Variants in OSBPL1A observed in about 807,000 individuals in gnomAD.
The protein encoded by OSBPL1A is oxysterol-binding protein-related protein 1.
In OSBPL1A, 80 loss-of-function variants were observed where a neutral mutation model predicts 137.1. That is an observed-to-expected ratio of 0.58 (90% CI 0.49 to 0.70). The LOEUF (loss-of-function observed/expected upper bound fraction) is 0.70. Among genes scored for constraint, OSBPL1A ranks in the 30% least tolerant of loss-of-function variants. The pLI is 0.00. For missense variants in OSBPL1A, 970 were observed against 1,129.4 expected (o/e 0.86, Z 2.02); for synonymous variants, 365 against 389.7 (o/e 0.94, Z 0.75).
chr18:24,174,501 T>C (rs2086373069), intron 21 of OSBPL1A, among the ~76,000 whole-genome samples: 1 of 152,208 alleles, frequency 6.6e-6, no homozygotes, highest in Non-Finnish European at 1.5e-5. Flanking sequence ...GCTAAACCAG[T>C]AGGTATATTG....
At chr18:24,386,054 A>G (rs951890364) in intron 1 of OSBPL1A, among the ~76,000 whole-genome samples, 4 of 152,116 alleles carry the variant, frequency 2.6e-5, no homozygotes, top group Non-Finnish European at 4.4e-5. Context: ...AGCCAGGGGG[A>G]GAGCTCCTAT....
Position 24,312,039 on chromosome 18 carries a change from G to A in OSBPL1A, c.1037C>T (p.Thr346Ile). ...STHYCSQDQL[T>I]DEEEEDTVSA... ...AACCGTATCTTCCTCCTCCTCATCA[G>A]TCAGCTGGTCCTGGGAACAGTAGTG... is the stretch of plus-strand genomic sequence containing the variant. Residue 346 changes from threonine (T) to isoleucine (I), a missense_variant, in exon 13 of 28, where the codon ACT (threonine) becomes ATT (isoleucine). Thr to Ile is a moderately conservative substitution (Grantham distance 89). This residue lies in a region of OSBPL1A where 647 missense variants were observed against 672.6 expected (regional missense o/e 0.96). Transcript: ENST00000319481. 6.2e-7 allele frequency: 1 copy of A among 1,614,082 alleles called. No homozygotes were observed. The highest frequency in any genetic ancestry group is 8.5e-7 in the Non-Finnish European group (1 of 1,179,960).
At chr18:24,318,307 G>A (rs577291947) in intron 9 of OSBPL1A, among the ~76,000 whole-genome samples, 39 of 152,036 alleles carry the variant, frequency 2.6e-4, no homozygotes, top group African/African-American at 8.2e-4. Flanking sequence ...AGCCAGGCAC[G>A]GTGGCGGGCG....
intron 16 of OSBPL1A, among the ~76,000 whole-genome samples, chr18:24,226,887 A>ATTTTTTTTTTTT (rs5823416): frequency 2.0e-5 from 2 of 100,860 alleles, no homozygotes; most frequent in African/African-American, 3.7e-5. Flanking sequence ...AAAGAAACAG[A>ATTTTTTTTTTTT]TTTTTTTTTT....
At chr18:24,280,994 T>G (rs2089945306) in intron 14 of OSBPL1A, 46 bp from the exon 15 acceptor site, 1 of 1,360,596 alleles carries the variant, frequency 7.3e-7, no homozygotes, top group South Asian at 1.3e-5. Context: ...TTAAGGAATC[T>G]TAAGGTAAAC....
At chr18:24,175,697 C>G (rs1269822836) in intron 21 of OSBPL1A, among the ~76,000 whole-genome samples, 1 of 152,034 alleles carries the variant, frequency 6.6e-6, no homozygotes, top group East Asian at 1.9e-4. Flanking sequence ...GGTATCATAT[C>G]CATAAGAGTT....
intron 18 of OSBPL1A, among the ~76,000 whole-genome samples, chr18:24,194,988 G>A (rs952138685): frequency 6.6e-6 from 1 of 152,168 alleles, no homozygotes; most frequent in Non-Finnish European, 1.5e-5. Context: ...TATCCACTCA[G>A]AGAAGAGAGA....
intron 14 of OSBPL1A, among the ~76,000 whole-genome samples, chr18:24,288,760 G>A (rs2090118309): frequency 9.5e-6 from 1 of 105,598 alleles, no homozygotes; most frequent in African/African-American, 4.1e-5. Context: ...GAGCAAGACT[G>A]TCTCAAAAAA....
chr18:24,220,819 GT>G (rs749558777), intron 17 of OSBPL1A, among the ~76,000 whole-genome samples: 31 of 146,006 alleles, frequency 2.1e-4, no homozygotes, highest in East Asian at 2.0e-3. Context: ...TTTTGTTTTG[GT>G]TTTTTTTTTT....
rs73967995 is a variant in OSBPL1A, at chr18:24,228,123, A to C, written c.1445-2925T>G. Among the ~76,000 whole-genome samples, 1,467 of 152,252 alleles carry C rather than the reference A, an allele frequency of 9.6e-3. 21 individuals carry two copies. The highest frequency in any genetic ancestry group is 0.033 in the African/African-American group (1,364 of 41,552). On this transcript the variant is annotated intron_variant, in intron 16 of 27. Transcript: ENST00000319481. ...TACGACCCACAAACTCATCAGTCACACTGAGAACCCCTGCGTGGGACCACT... is the reference window on the plus strand; with the variant it reads ...TACGACCCACAAACTCATCAGTCACCCTGAGAACCCCTGCGTGGGACCACT...
chr18:24,181,844 A>G (rs958321965), intron 18 of OSBPL1A, among the ~76,000 whole-genome samples: 1 of 152,108 alleles, frequency 6.6e-6, no homozygotes, highest in African/African-American at 2.4e-5. Flanking sequence ...AACACCTTAT[A>G]AAAGTAAAAG....
At chr18:24,191,630 A>G (rs918523064) in intron 18 of OSBPL1A, among the ~76,000 whole-genome samples, 5 of 152,264 alleles carry the variant, frequency 3.3e-5, no homozygotes, top group African/African-American at 1.2e-4. Context: ...CTTTAGTACT[A>G]AAGTCTTATA....
intron 2 of OSBPL1A, among the ~76,000 whole-genome samples, chr18:24,372,814 AG>A (rs1226803132): frequency 5.3e-5 from 8 of 152,162 alleles, no homozygotes; most frequent in African/African-American, 1.9e-4. Flanking sequence ...CTGTAATCCC[AG>A]CACCTTGGGA....
intron 11 of OSBPL1A, among the ~76,000 whole-genome samples, chr18:24,315,728 T>C (rs1237288268): frequency 8.2e-6 from 1 of 121,902 alleles, no homozygotes; most frequent in Non-Finnish European, 1.6e-5. Flanking sequence ...ATATGTAATA[T>C]ATTATATAAT....
chr18:24,351,257 G>A (rs139783420), intron 4 of OSBPL1A, among the ~76,000 whole-genome samples: 2,384 of 148,332 alleles, frequency 0.016, 67 homozygotes, highest in African/African-American at 0.054. Context: ...GCTGAGGCAG[G>A]AGAATCCTTT....
chr18:24,277,429 C>G (rs753005306), intron 15 of OSBPL1A, among the ~76,000 whole-genome samples: 1 of 152,218 alleles, frequency 6.6e-6, no homozygotes, highest in Non-Finnish European at 1.5e-5. Flanking sequence ...GGGTCACTTA[C>G]ATCTACTGGA....
rs187969957 is a variant in OSBPL1A, at chr18:24,200,290, G to A, written c.1602-4090C>T. Among the ~76,000 whole-genome samples, 117 of 152,256 alleles carry A rather than the reference G, an allele frequency of 7.7e-4. 3 individuals carry two copies. The East Asian group carries it at 0.018, about 23-fold the overall frequency. ...AATTAAGTAAAAAATCAGGCCGGGCGCCATGGCTCACGCCTGTAATCCCAA... is the reference window on the plus strand; with the variant it reads ...AATTAAGTAAAAAATCAGGCCGGGCACCATGGCTCACGCCTGTAATCCCAA... On this transcript the variant is annotated intron_variant, in intron 17 of 27. Coordinates refer to ENST00000319481, the MANE Select transcript of OSBPL1A (RefSeq NM_080597.4).
intron 17 of OSBPL1A, among the ~76,000 whole-genome samples, chr18:24,198,681 G>T (rs2087112619): frequency 6.6e-6 from 1 of 151,864 alleles, no homozygotes; most frequent in Non-Finnish European, 1.5e-5. Flanking sequence ...CACAAGCCAT[G>T]GCTTAGTAAA....
chr18:24,165,242 A>T, intron 26 of OSBPL1A, 87 bp from the exon 27 acceptor site: 1 of 1,183,896 alleles, frequency 8.4e-7, no homozygotes, highest in Non-Finnish European at 1.2e-6. Context: ...TCACAAAAGA[A>T]CCATATCTAC....
Sources: gnomAD v4.1 joint callset for allele counts (sites outside exome capture counted in the v4.1 genomes callset) on GRCh38, gnomAD v4.1.1 for gene constraint, gnomAD v4.1.1 regional missense constraint, MANE v1.5 for transcripts, NCBI Gene and HGNC (gene_info 2026-07-23, HGNC 2026-07-21) for gene names.